The following UBAP1 variants were observed in gnomAD, a reference collection of about 807,000 sequenced individuals.
The protein encoded by UBAP1 is ubiquitin-associated protein 1.
UBAP1 carries 5 observed loss-of-function variants against 39.0 expected under a neutral mutation model. That is an observed-to-expected ratio of 0.13 (90% CI 0.07 to 0.27). UBAP1 has a LOEUF of 0.27. Ranked by LOEUF, UBAP1 falls within the 10% of genes least tolerant of loss-of-function variation. The pLI is 1.00. For synonymous variants in UBAP1, 211 were observed against 225.1 expected (o/e 0.94, Z 0.56); for missense variants, 490 against 608.1 (o/e 0.81, Z 2.04).
intron 1 of UBAP1, among the ~76,000 whole-genome samples, chr9:34,202,624 C>CGT (rs56012034): frequency 0.049 from 5,233 of 107,338 alleles, 209 homozygotes; most frequent in African/African-American, 0.057. Context: ...TAGACAGAAA[C>CGT]GTGTGTGTGT....
intron 1 of UBAP1, among the ~76,000 whole-genome samples, chr9:34,217,780 G>GTTT (rs1402104440): frequency 9.2e-4 from 27 of 29,398 alleles, no homozygotes; most frequent in South Asian, 3.3e-3. Context: ...ACAGGATTTC[G>GTTT]TTCTTTTTTT....
chr9:34,188,430 T>A (rs912737690), intron 1 of UBAP1, among the ~76,000 whole-genome samples: 5 of 150,198 alleles, frequency 3.3e-5, no homozygotes, highest in African/African-American at 1.2e-4. Flanking sequence ...CAGCTTTTTT[T>A]TTTTTTTTTT....
Position 34,250,664 on chromosome 9 carries a change from G to T in UBAP1, c.1273G>T (p.Asp425Tyr). 2 of 1,612,504 alleles carry T rather than the reference G, an allele frequency of 1.2e-6. No individual in the cohort carries two copies. The highest frequency in any genetic ancestry group is 2.2e-5 in the South Asian group (2 of 90,984). Residue 425 changes from aspartate to tyrosine, a missense_variant, in exon 6 of 7, where the codon GAC (aspartate) becomes TAC (tyrosine). This residue lies in a region of UBAP1 where 339 missense variants were observed against 390.0 expected (regional missense o/e 0.87). Coordinates refer to ENST00000297661, the MANE Select transcript of UBAP1 (RefSeq NM_016525.5). The part of the protein sequence containing the change: ...KKGENIEQIL[D>Y]YLFAHGQLCE... ...CCCTTGTTTCTTTTCTTAGATTCTCGACTATCTCTTTGCACATGGACAGCT... is the reference window on the plus strand; with the variant it reads ...CCCTTGTTTCTTTTCTTAGATTCTCTACTATCTCTTTGCACATGGACAGCT...
At chr9:34,222,862 T>G (rs1309554643) in intron 2 of UBAP1, among the ~76,000 whole-genome samples, 1 of 151,942 alleles carries the variant, frequency 6.6e-6, no homozygotes, top group Non-Finnish European at 1.5e-5. Flanking sequence ...AAAAGGCAGA[T>G]CTGAATTCCC....
chr9:34,201,104 G>C lies in UBAP1; in HGVS notation c.-7-19804G>C, dbSNP rs374026316. 5.9e-5 allele frequency among the ~76,000 whole-genome samples: 9 copies of C among 152,170 alleles called. No homozygotes were observed. The East Asian group carries it at 9.7e-4, about 16-fold the overall frequency. ...AATTTTTTGTAGTTTTAGTGGAGAC[G>C]TGGTTTCTCCATGTTGGTCAGGCTG... On this transcript the variant is annotated intron_variant, in intron 1 of 6. Coordinates refer to ENST00000297661, the MANE Select transcript of UBAP1 (RefSeq NM_016525.5).
At chr9:34,207,776 A>G (rs915896204) in intron 1 of UBAP1, among the ~76,000 whole-genome samples, 11 of 151,806 alleles carry the variant, frequency 7.2e-5, no homozygotes, top group Middle Eastern at 3.2e-3. Flanking sequence ...GGCCATGTAT[A>G]TATGAAGGCT....
At chr9:34,242,252 T>C (rs950844041) in intron 4 of UBAP1, 144 bp downstream of exon 4, 1 of 834,546 alleles carries the variant, frequency 1.2e-6, no homozygotes, top group Non-Finnish European at 1.8e-6. Flanking sequence ...TCGTACCTTA[T>C]TGTAGCCTCG....
At chr9:34,217,017 C>G (rs1350180600) in intron 1 of UBAP1, among the ~76,000 whole-genome samples, 1 of 152,092 alleles carries the variant, frequency 6.6e-6, no homozygotes, top group African/African-American at 2.4e-5. Flanking sequence ...ACTCCCTGCC[C>G]TTCCCTTTAC....
rs2131640421 is a variant in UBAP1 at position 34,251,385 on chromosome 9, C to T, written c.1369-7C>T. ...TTCTTTAATCTGTGTTCTCTTCTCT[C>T]CCTTAGATGATGGAGTTTCTTCAGT... On this transcript the variant is annotated splice_region_variant and splice_polypyrimidine_tract_variant and intron_variant, in intron 6 of 6. Coordinates refer to ENST00000297661, the MANE Select transcript of UBAP1 (RefSeq NM_016525.5). The T allele has an allele frequency of 6.2e-7, 1 of 1,614,036 alleles. No homozygotes were observed. Among genetic ancestry groups the T allele is most frequent in the Non-Finnish European group, 8.5e-7 (1 of 1,179,938 alleles).
chr9:34,227,020 T>C (rs953063230), intron 2 of UBAP1, among the ~76,000 whole-genome samples: 2 of 152,214 alleles, frequency 1.3e-5, no homozygotes, highest in Admixed American at 1.3e-4. Context: ...ATGTTTACAA[T>C]ATCTTGGCTC....
At chr9:34,207,252 G>A (rs1831759257) in intron 1 of UBAP1, among the ~76,000 whole-genome samples, 5 of 151,032 alleles carry the variant, frequency 3.3e-5, no homozygotes, top group Admixed American at 3.3e-4. Context: ...CACCATGTTG[G>A]CCAGGCTGGT....
At chr9:34,224,346 G>T in intron 2 of UBAP1, 1 of 447,796 alleles carries the variant, frequency 2.2e-6, no homozygotes, top group Non-Finnish European at 4.2e-6. Context: ...TCTTCACCAG[G>T]GTCTTGTTAT....
chr9:34,199,165 C>A (rs1374598316), intron 1 of UBAP1, among the ~76,000 whole-genome samples: 2 of 152,174 alleles, frequency 1.3e-5, no homozygotes, highest in African/African-American at 4.8e-5. Context: ...CCTCTGCCTC[C>A]CGGGTTCAAG....
chr9:34,209,230 C>CA (rs1831887377), intron 1 of UBAP1, among the ~76,000 whole-genome samples: 1 of 152,156 alleles, frequency 6.6e-6, no homozygotes, highest in Non-Finnish European at 1.5e-5. Flanking sequence ...CGTGAGCCAC[C>CA]ACGCCTGGCC....
intron 1 of UBAP1, among the ~76,000 whole-genome samples, chr9:34,198,500 T>C (rs575497062): frequency 8.7e-4 from 133 of 152,282 alleles, no homozygotes; most frequent in African/African-American, 3.0e-3. Context: ...TCAGACTGGA[T>C]CACTGGCACA....
intron 1 of UBAP1, among the ~76,000 whole-genome samples, chr9:34,186,053 C>T (rs1830390967): frequency 6.6e-6 from 1 of 152,068 alleles, no homozygotes; most frequent in African/African-American, 2.4e-5. Context: ...GCCATTTTGC[C>T]CCTCTTAGGT....
intron 3 of UBAP1, among the ~76,000 whole-genome samples, chr9:34,236,924 C>T (rs1833727931): frequency 6.6e-6 from 1 of 152,054 alleles, no homozygotes; most frequent in Non-Finnish European, 1.5e-5. Context: ...TCCCTCCAAA[C>T]CACGTTACTA....
intron 1 of UBAP1, among the ~76,000 whole-genome samples, chr9:34,183,302 G>T (rs1042307986): frequency 1.3e-5 from 2 of 151,650 alleles, no homozygotes; most frequent in Non-Finnish European, 1.5e-5. Context: ...CCAGCACTTT[G>T]GGGGGCCGAG....
At chr9:34,214,189 C>A (rs1238445366) in intron 1 of UBAP1, among the ~76,000 whole-genome samples, 1 of 152,000 alleles carries the variant, frequency 6.6e-6, no homozygotes, top group East Asian at 1.9e-4. Context: ...TCATATGGAA[C>A]AAAAAAAGAA....
Sources: gnomAD v4.1 joint callset for allele counts (sites outside exome capture counted in the v4.1 genomes callset) on GRCh38, gnomAD v4.1.1 for gene constraint, gnomAD v4.1.1 regional missense constraint, MANE v1.5 for transcripts, NCBI Gene and HGNC (gene_info 2026-07-23, HGNC 2026-07-21) for gene names.